Variants in KYNU observed in about 807,000 individuals in gnomAD.
KYNU encodes kynureninase, also known as L-kynurenine hydrolase.
A neutral mutation model predicts 59.2 loss-of-function variants in KYNU; 54 were observed. The observed-to-expected ratio is 0.91, with a 90% CI of 0.73 to 1.14. KYNU has a LOEUF of 1.14. KYNU is among the 50% of genes most tolerant of loss of function. The pLI is 0.00. For synonymous variants in KYNU, 177 were observed against 192.0 expected (o/e 0.92, Z 0.65); for missense variants, 567 against 554.4 (o/e 1.02, Z -0.23).
chr2:143,012,562 A>G (rs1383849604), intron 10 of KYNU, among the ~76,000 whole-genome samples: 1 of 151,590 alleles, frequency 6.6e-6, no homozygotes, highest in Non-Finnish European at 1.5e-5. Flanking sequence ...TTCCCATAAT[A>G]TTTTTCATAT....
chr2:142,987,613 T>G (rs1685248787), intron 10 of KYNU, among the ~76,000 whole-genome samples: 1 of 151,926 alleles, frequency 6.6e-6, no homozygotes, highest in Admixed American at 6.6e-5. Context: ...TGGAGAATCT[T>G]CTATGATTGT....
chr2:143,035,505 T>C (rs1558986240), intron 12 of KYNU, among the ~76,000 whole-genome samples: 1 of 152,248 alleles, frequency 6.6e-6, no homozygotes, highest in Non-Finnish European at 1.5e-5. Flanking sequence ...TAAAATGTCT[T>C]ATTTTCTAGA....
intron 10 of KYNU, among the ~76,000 whole-genome samples, chr2:143,011,563 G>A (rs1378862910): frequency 1.2e-5 from 1 of 82,404 alleles, no homozygotes; most frequent in African/African-American, 5.9e-5. Context: ...CCATTACTGG[G>A]TATATACCCA....
In KYNU at chr2:142,999,032, A is replaced by G. The variant is rs1685631631; in HGVS notation, c.902+13011A>G. The stretch of plus-strand genomic sequence containing the variant: ...CAAAAAAAAAAAAAAAAAAAAAAAA[A>G]AAAGAATAGCAGCTCTGCCATCTTA... On this transcript the variant is annotated intron_variant, in intron 10 of 13. Transcript: ENST00000264170. Among the ~76,000 whole-genome samples, 2 of 144,998 alleles carry G rather than the reference A, an allele frequency of 1.4e-5. 1 individual carries two copies. The highest frequency in any genetic ancestry group is 4.6e-4 in the South Asian group (2 of 4,356).
At chr2:142,970,689 T>A (rs1230336896) in intron 8 of KYNU, among the ~76,000 whole-genome samples, 1 of 152,212 alleles carries the variant, frequency 6.6e-6, no homozygotes, top group Non-Finnish European at 1.5e-5. Context: ...TACTTGAATT[T>A]CCTGCATCGT....
intron 2 of KYNU, among the ~76,000 whole-genome samples, chr2:142,901,052 C>T (rs898124567): frequency 8.6e-6 from 1 of 116,514 alleles, no homozygotes; most frequent in Non-Finnish European, 1.9e-5. Context: ...GACTCCATCT[C>T]AAAAAAAAAA....
At chr2:142,947,189 C>T in intron 4 of KYNU, 2 of 1,550,928 alleles carry the variant, frequency 1.3e-6, no homozygotes, top group South Asian at 1.2e-5. Context: ...CTAACGCAGA[C>T]ACCTCTGAGG....
At chr2:142,933,616 T>C (rs1353441902) in intron 4 of KYNU, among the ~76,000 whole-genome samples, 3 of 152,030 alleles carry the variant, frequency 2.0e-5, no homozygotes, top group African/African-American at 7.2e-5. Flanking sequence ...ACTAAGGGGG[T>C]GCATAATTGT....
chr2:143,033,451 A>G, intron 12 of KYNU, 130 bp downstream of exon 12: 3 of 793,032 alleles, frequency 3.8e-6, no homozygotes, highest in Non-Finnish European at 6.9e-6. Context: ...AAGGGACAGA[A>G]GGCAGCATTC....
At chr2:142,987,801 C>G (rs1380052123) in intron 10 of KYNU, among the ~76,000 whole-genome samples, 2 of 151,906 alleles carry the variant, frequency 1.3e-5, no homozygotes, top group Non-Finnish European at 2.9e-5. Flanking sequence ...AGTGTTGGAG[C>G]AGGGGCCTGG....
At chr2:143,018,679 A>G in intron 10 of KYNU, among the ~76,000 whole-genome samples, 1 of 152,068 alleles carries the variant, frequency 6.6e-6, no homozygotes, top group Non-Finnish European at 1.5e-5. Context: ...TGAAAAAATA[A>G]TGTTGGTAGC....
intron 2 of KYNU, among the ~76,000 whole-genome samples, chr2:142,906,813 G>T (rs113709885): frequency 6.6e-6 from 1 of 152,122 alleles, no homozygotes; most frequent in Non-Finnish European, 1.5e-5. Flanking sequence ...CCATGATCTC[G>T]ACCGGCCAAT....
chr2:142,973,521 A>G (rs376284835), intron 8 of KYNU, among the ~76,000 whole-genome samples: 9 of 152,222 alleles, frequency 5.9e-5, no homozygotes, highest in African/African-American at 2.2e-4. Context: ...CCCAGCAATG[A>G]TGGCTGCATT....
At chr2:142,998,078 A>T (rs1256270643) in intron 10 of KYNU, among the ~76,000 whole-genome samples, 1 of 152,118 alleles carries the variant, frequency 6.6e-6, no homozygotes, top group Non-Finnish European at 1.5e-5. Context: ...TGCTTTTATT[A>T]TTTACTGGAT....
chr2:142,938,492 C>T (rs1475945793), intron 4 of KYNU, among the ~76,000 whole-genome samples: 1 of 152,138 alleles, frequency 6.6e-6, no homozygotes, highest in African/African-American at 2.4e-5. Flanking sequence ...TCAGCATTTG[C>T]CTTATTTGAG....
chr2:142,988,874 A>T (rs1263795421), intron 10 of KYNU: 1 of 1,608,730 alleles, frequency 6.2e-7, no homozygotes, highest in Non-Finnish European at 8.5e-7. Flanking sequence ...TAGGAATGGA[A>T]TGCAACAGAT....
intron 8 of KYNU, among the ~76,000 whole-genome samples, chr2:142,961,812 A>G (rs1684361735): frequency 6.6e-6 from 1 of 152,226 alleles, no homozygotes; most frequent in Non-Finnish European, 1.5e-5. Context: ...TAGCACTTCT[A>G]TTTCATTCAG....
intron 8 of KYNU, among the ~76,000 whole-genome samples, chr2:142,972,813 T>TAGAGAGAGAG (rs66473877): frequency 6.4e-4 from 80 of 124,216 alleles, no homozygotes; most frequent in Middle Eastern, 4.3e-3. Context: ...TATATATATA[T>TAGAGAGAGAG]AGAGAGAGAG....
chr2:142,974,506 C>G (rs528840271), intron 8 of KYNU, among the ~76,000 whole-genome samples: 3 of 152,268 alleles, frequency 2.0e-5, no homozygotes, highest in African/African-American at 7.2e-5. Flanking sequence ...TTTTTATTTT[C>G]CTTTCACACC....
Sources: allele counts gnomAD v4.1 joint callset (sites outside exome capture counted in the v4.1 genomes callset), GRCh38; gene constraint gnomAD v4.1.1; transcripts MANE v1.5; gene names NCBI Gene and HGNC (gene_info 2026-07-23, HGNC 2026-07-21).